GRM4: variants seen among roughly 807,000 people sequenced by gnomAD.
GRM4 encodes metabotropic glutamate receptor 4.
GRM4 carries 28 observed loss-of-function variants against 81.7 expected under a neutral mutation model. The observed-to-expected ratio is 0.34, with a 90% CI of 0.25 to 0.47. GRM4 has a LOEUF of 0.47. GRM4 is among the 20% of genes least tolerant of loss of function. GRM4 has a pLI of 1.00. For missense variants in GRM4, 948 were observed against 1,290.0 expected, an observed-to-expected ratio of 0.73 and a Z score of 4.06; for synonymous variants, 488 against 528.8, an observed-to-expected ratio of 0.92 and a Z score of 1.06.
intron 10 of GRM4, among the ~76,000 whole-genome samples, chr6:34,027,571 C>T (rs1764193616): frequency 6.6e-6 from 1 of 152,216 alleles, no homozygotes; most frequent in South Asian, 2.1e-4. Flanking sequence ...GTCCCCATAG[C>T]TCAGGTGCCT....
rs1768273365 is a variant in GRM4 at position 34,092,251 on chromosome 6, GAA to G, written c.520-154_520-153del. The G allele has an allele frequency of 6.6e-6, 4 of 608,722 alleles. No homozygotes were observed. The highest frequency in any genetic ancestry group is 2.9e-5 in the Admixed American group (1 of 34,010). 37.7% of individuals were successfully genotyped at this position (608,722 alleles called of 1,614,324 possible). On this transcript the variant is annotated intron_variant, in intron 2 of 10. Transcript: ENST00000538487. This position sits in a 1 kb window ranked among gnomAD's most constrained non-coding sequence, Gnocchi z 6.8. The stretch of plus-strand genomic sequence containing the variant: ...CCCATGGGCGATGCCTCCTCCTCCA[GAA>G]AGTCTCCCAACCGGCCTCCCTGGGG...
intron 3 of GRM4, among the ~76,000 whole-genome samples, chr6:34,063,934 G>A (rs904551251): frequency 1.3e-5 from 2 of 152,222 alleles, no homozygotes; most frequent in African/African-American, 4.8e-5. Flanking sequence ...GAAGGCAGGA[G>A]AAGGGAGTTA....
intron 2 of GRM4, among the ~76,000 whole-genome samples, chr6:34,117,626 G>A (rs1222941416): frequency 1.3e-5 from 2 of 152,128 alleles, no homozygotes; most frequent in East Asian, 1.9e-4. Context: ...CAGTTCATCC[G>A]GCACGTCTCT....
At chr6:34,031,760 C>T (rs1399157493) in intron 9 of GRM4, among the ~76,000 whole-genome samples, 1 of 152,224 alleles carries the variant, frequency 6.6e-6, no homozygotes, top group East Asian at 1.9e-4. Context: ...CGCCTGCTCA[C>T]CAGAGTGGCA....
intron 2 of GRM4, among the ~76,000 whole-genome samples, chr6:34,095,573 G>A (rs1405400230): frequency 6.6e-6 from 1 of 152,214 alleles, no homozygotes; most frequent in Non-Finnish European, 1.5e-5. Context: ...ACTCAGAACA[G>A]TGCCTGGCAG....
intron 3 of GRM4, among the ~76,000 whole-genome samples, chr6:34,083,936 C>G (rs373881151): frequency 2.6e-5 from 4 of 152,184 alleles, no homozygotes; most frequent in Admixed American, 2.6e-4. Flanking sequence ...CATTCCTGAA[C>G]CGAAACGCCA....
Position 34,021,713 on chromosome 6 carries a change from C to T in GRM4, c.*1108G>A, listed in dbSNP as rs536879739. 7 of 152,572 alleles carry T rather than the reference C, an allele frequency of 4.6e-5. No homozygotes were observed. The highest frequency in any genetic ancestry group is 1.7e-4 in the African/African-American group (7 of 41,472). 9.5% of individuals were successfully genotyped at this position (152,572 alleles called of 1,614,324 possible). A position where few individuals can be genotyped will look rare whatever the true frequency, so the allele number is the denominator to read the frequency against. The stretch of plus-strand genomic sequence containing the variant: ...CTCACCACACCACACTAGATCCCAG[C>T]CTAGGGAGCAGTCTCCACAGCCCCC... On this transcript the variant is annotated 3_prime_UTR_variant, in exon 11 of 11. Transcript: ENST00000538487. The surrounding 1 kb of genome is among the most constrained non-coding windows in gnomAD (Gnocchi z 5.3).
intron 2 of GRM4, among the ~76,000 whole-genome samples, chr6:34,120,281 C>G (rs952176188): frequency 6.6e-6 from 1 of 152,094 alleles, no homozygotes; most frequent in Non-Finnish European, 1.5e-5. Context: ...GAGGCCTCAG[C>G]ACAGGGCCTG....
In GRM4 at chr6:34,130,330, C is replaced by A. The variant is rs1447955601; in HGVS notation, c.519+2648G>T. On this transcript the variant is annotated intron_variant, in intron 2 of 10. Coordinates refer to ENST00000538487, the MANE Select transcript of GRM4 (RefSeq NM_000841.4). This position sits in a 1 kb window ranked among gnomAD's most constrained non-coding sequence, Gnocchi z 4.1. ...TTTCCTTGCTGTCCTGCTTTCTTCT[C>A]CACTCCCCAGGTCTCTACCTCCCGG... is the stretch of plus-strand genomic sequence containing the variant. Among the ~76,000 whole-genome samples the A allele has an allele frequency of 6.6e-6, 1 of 152,150 alleles. No individual in the cohort carries two copies. The highest frequency in any genetic ancestry group is 2.4e-5 in the African/African-American group (1 of 41,414).
intron 3 of GRM4, 71 bp downstream of exon 3, chr6:34,091,812 C>T: frequency 1.7e-6 from 2 of 1,152,198 alleles, no homozygotes; most frequent in Admixed American, 1.9e-5. Flanking sequence ...CTGGGAGCTC[C>T]TGGTGGGTCA....
intron 3 of GRM4, among the ~76,000 whole-genome samples, chr6:34,087,520 T>G (rs1169240758): frequency 2.0e-5 from 3 of 151,198 alleles, no homozygotes; most frequent in Non-Finnish European, 4.4e-5. Flanking sequence ...TGGCATTATC[T>G]CCAGAGCCCA....
chr6:34,112,046 C>G (rs1268904955), intron 2 of GRM4, among the ~76,000 whole-genome samples: 1 of 152,148 alleles, frequency 6.6e-6, no homozygotes, highest in Admixed American at 6.5e-5. Flanking sequence ...ATGATCACTC[C>G]TGGAAAGCCC....
intron 2 of GRM4, among the ~76,000 whole-genome samples, chr6:34,103,190 G>A (rs1439228581): frequency 1.3e-5 from 2 of 152,198 alleles, no homozygotes; most frequent in Non-Finnish European, 2.9e-5. Flanking sequence ...GCGGACACTT[G>A]GATTAATTTC....
intron 2 of GRM4, among the ~76,000 whole-genome samples, chr6:34,103,006 C>T (rs898843146): frequency 1.3e-5 from 2 of 152,224 alleles, no homozygotes; most frequent in African/African-American, 4.8e-5. Flanking sequence ...TCTGAGGTCT[C>T]CTTCCTCCCT....
intron 3 of GRM4, among the ~76,000 whole-genome samples, chr6:34,079,144 A>G (rs1476356317): frequency 2.6e-5 from 4 of 152,232 alleles, no homozygotes; most frequent in South Asian, 4.1e-4. Flanking sequence ...TGGCTCATCC[A>G]TGGACACAAG....
chr6:34,097,107 G>C lies in GRM4; in HGVS notation c.520-5008C>G, dbSNP rs868745750. 4.4e-4 allele frequency among the ~76,000 whole-genome samples: 67 copies of C among 152,330 alleles called. No individual in the cohort carries two copies. In the Middle Eastern group the frequency reaches 0.02, roughly 46 times the overall value. ...TGGACTATGAACAACTGCCGTCAGC[G>C]GGCTCCAATCTAGATGGAGGCAGGT... On this transcript the variant is annotated intron_variant, in intron 2 of 10. Transcript: ENST00000538487.
chr6:34,075,283 T>C (rs984494480), intron 3 of GRM4, among the ~76,000 whole-genome samples: 4 of 152,180 alleles, frequency 2.6e-5, no homozygotes, highest in African/African-American at 9.7e-5. Context: ...AGTGACACCC[T>C]GGTGGAGGAG....
At position 34,021,878 on chromosome 6, in the gene GRM4, G is replaced by A. The variant is rs1763884624; in HGVS notation, c.*943C>T. 1 of 152,764 alleles carries A rather than the reference G, an allele frequency of 6.5e-6. No homozygotes were observed. The highest frequency in any genetic ancestry group is 6.5e-5 in the Admixed American group (1 of 15,284). 9.5% of individuals were successfully genotyped at this position (152,764 alleles called of 1,614,324 possible). A position where few individuals can be genotyped will look rare whatever the true frequency, so the allele number is the denominator to read the frequency against. On this transcript the variant is annotated 3_prime_UTR_variant, in exon 11 of 11. Coordinates refer to ENST00000538487, the MANE Select transcript of GRM4 (RefSeq NM_000841.4). This position sits in a 1 kb window ranked among gnomAD's most constrained non-coding sequence, Gnocchi z 5.3. ...CAAAACCATGTGTTTATTTTTATTA[G>A]AAATGTTCTTGGTATAAAAACAATC...
At chr6:34,081,559 A>G (rs1177977554) in intron 3 of GRM4, among the ~76,000 whole-genome samples, 1 of 152,260 alleles carries the variant, frequency 6.6e-6, no homozygotes, top group African/African-American at 2.4e-5. Flanking sequence ...AGGAAGGCAC[A>G]CAGTCCCTTT....
Sources: allele counts gnomAD v4.1 joint callset (sites outside exome capture counted in the v4.1 genomes callset), GRCh38; gene constraint gnomAD v4.1.1; non-coding constraint Gnocchi (gnomAD v3.1); transcripts MANE v1.5; gene names NCBI Gene and HGNC (gene_info 2026-07-23, HGNC 2026-07-21).